Variants in CNBD1 observed in about 807,000 individuals in gnomAD.
The protein encoded by CNBD1 is cyclic nucleotide-binding domain-containing protein 1.
In CNBD1, 71 loss-of-function variants were observed where a neutral mutation model predicts 54.4. The ratio of observed to expected loss-of-function variants is 1.30; its 90% confidence interval spans 1.08 to 1.59. The LOEUF is 1.59. CNBD1 is among the 40% of genes most tolerant of loss of function. The probability of loss-of-function intolerance (pLI) is 0.00; values close to 1 mark genes in which losing one functional copy is unlikely to be tolerated. For synonymous variants in CNBD1, 182 were observed against 170.7 expected, an observed-to-expected ratio of 1.07 and a Z score of -0.51; for missense variants, 659 against 518.0, an observed-to-expected ratio of 1.27 and a Z score of -2.64.
chr8:87,238,415 C>A (rs990489758), intron 6 of CNBD1, among the ~76,000 whole-genome samples: 1 of 152,048 alleles, frequency 6.6e-6, no homozygotes, highest in Non-Finnish European at 1.5e-5. Context: ...GGGAAACAGA[C>A]CCAAACCAAA....
At chr8:87,252,012 A>C (rs2130840119) in intron 6 of CNBD1, among the ~76,000 whole-genome samples, 1 of 152,284 alleles carries the variant, frequency 6.6e-6, no homozygotes, top group South Asian at 2.1e-4. Flanking sequence ...CTATTCCCAC[A>C]TAAATTGATA....
At chr8:87,040,163 T>G (rs1212026841) in intron 4 of CNBD1, among the ~76,000 whole-genome samples, 2 of 152,216 alleles carry the variant, frequency 1.3e-5, no homozygotes, top group African/African-American at 2.4e-5. Flanking sequence ...ACAAAGACAG[T>G]CTAGTTCCCA....
chr8:87,078,084 G>A, intron 4 of CNBD1, among the ~76,000 whole-genome samples: 1 of 152,142 alleles, frequency 6.6e-6, no homozygotes, highest in Non-Finnish European at 1.5e-5. Context: ...CATTTTGGGA[G>A]AACACAAACC....
chr8:87,244,188 A>G (rs891578289), intron 6 of CNBD1, among the ~76,000 whole-genome samples: 11 of 152,118 alleles, frequency 7.2e-5, no homozygotes, highest in Admixed American at 5.2e-4. Flanking sequence ...GGCGGGGACA[A>G]CCTGAAGTAG....
chr8:87,395,384 A>T (rs945167460), intron 2 of CNBD1, among the ~76,000 whole-genome samples: 5 of 152,050 alleles, frequency 3.3e-5, no homozygotes, highest in Non-Finnish European at 7.4e-5. Flanking sequence ...GGAAGGGAAC[A>T]ATATTTGAGG....
intron 2 of CNBD1, among the ~76,000 whole-genome samples, chr8:87,421,313 G>A (rs1330957456): frequency 6.6e-6 from 1 of 150,576 alleles, no homozygotes; most frequent in Non-Finnish European, 1.5e-5. Context: ...TAGGGTACAT[G>A]TGCACATTGT....
Position 87,049,669 on chromosome 8 carries a change from T to A in CNBD1, c.431+109915T>A, listed in dbSNP as rs1384426419. ...TCACAATCATGTTCAGGTTCTCTGG[T>A]TTCCTCTGAGAGGAAAGTGCAGGGT... On this transcript the variant is annotated intron_variant, in intron 4 of 10. Transcript: ENST00000518476. Among the ~76,000 whole-genome samples, 8 of 152,196 alleles carry A rather than the reference T, an allele frequency of 5.3e-5. No individual in the cohort carries two copies. In the East Asian group the frequency reaches 1.4e-3, roughly 26 times the overall value.
chr8:87,334,119 TG>T (rs1364230749), intron 8 of CNBD1, among the ~76,000 whole-genome samples: 1 of 152,158 alleles, frequency 6.6e-6, no homozygotes, highest in Non-Finnish European at 1.5e-5. Context: ...GGAGGGTGTA[TG>T]TGTCCAAGAA....
chr8:87,258,287 T>A (rs1417363082), intron 6 of CNBD1, among the ~76,000 whole-genome samples: 1 of 151,756 alleles, frequency 6.6e-6, no homozygotes, highest in South Asian at 2.1e-4. Context: ...GACTCAAAAA[T>A]TTTTTAAAAG....
chr8:87,339,637 T>G (rs968508774), intron 8 of CNBD1, among the ~76,000 whole-genome samples: 2 of 152,142 alleles, frequency 1.3e-5, no homozygotes, highest in Non-Finnish European at 2.9e-5. Flanking sequence ...TTTAAAGTGA[T>G]GTGCTTTGAT....
chr8:86,986,444 T>G (rs1450652149), intron 4 of CNBD1, among the ~76,000 whole-genome samples: 2 of 152,172 alleles, frequency 1.3e-5, no homozygotes, highest in Non-Finnish European at 2.9e-5. Context: ...TCACAAATAT[T>G]TTTTTCCCAT....
At chr8:87,113,027 G>A (rs1811696491) in intron 4 of CNBD1, among the ~76,000 whole-genome samples, 1 of 152,200 alleles carries the variant, frequency 6.6e-6, no homozygotes, top group Admixed American at 6.5e-5. Context: ...CCCATAGGGA[G>A]CTCTGAAGTA....
chr8:87,091,916 A>T (rs1811212489), intron 4 of CNBD1, among the ~76,000 whole-genome samples: 1 of 152,190 alleles, frequency 6.6e-6, no homozygotes, highest in African/African-American at 2.4e-5. Context: ...CGTAGGAAAA[A>T]GTCCTCCAAA....
intron 5 of CNBD1, among the ~76,000 whole-genome samples, chr8:87,225,870 A>T (rs147068200): frequency 0.55 from 74,858 of 137,112 alleles, 21,525 homozygotes; most frequent in African/African-American, 0.6. Context: ...CATCTGGTCC[A>T]GGACTCTTTT....
At chr8:87,051,678 G>C (rs4598261) in intron 4 of CNBD1, among the ~76,000 whole-genome samples, 2 of 152,170 alleles carry the variant, frequency 1.3e-5, no homozygotes, top group Non-Finnish European at 1.5e-5. Flanking sequence ...GGCACAGATC[G>C]CTCATGCTAT....
intron 5 of CNBD1, among the ~76,000 whole-genome samples, chr8:87,227,797 G>C (rs1306020142): frequency 4.4e-4 from 61 of 138,532 alleles, no homozygotes; most frequent in Middle Eastern, 3.8e-3. Context: ...TGCCTTGCTA[G>C]ATTGGGGAAA....
chr8:87,411,424 A>ATG (rs1807741387), intron 2 of CNBD1, among the ~76,000 whole-genome samples: 2 of 142,070 alleles, frequency 1.4e-5, no homozygotes, highest in South Asian at 4.4e-4. Flanking sequence ...ATATATATAT[A>ATG]TATTTCATTC....
rs1444812747 is a variant in CNBD1, at chr8:86,866,581, C to T, written c.86C>T (p.Pro29Leu). The T allele has an allele frequency of 6.3e-7, 1 of 1,599,452 alleles. No homozygotes were observed. The highest frequency in any genetic ancestry group is 1.1e-5 in the South Asian group (1 of 89,118). The change falls in exon 1 of 11, where the codon CCA (proline) becomes CTA (leucine). Residue 29 changes from proline (P) to leucine (L), a missense_variant and splice_region_variant. Physicochemically the swap from Pro to Leu is moderately conservative, Grantham distance 98 (BLOSUM62 -3). Coordinates refer to ENST00000518476, the MANE Select transcript of CNBD1 (RefSeq NM_173538.3). ...CCTCCTCCTCCACTTCACAGTATAC[C>T]AAGTGAGTGGGAAATACTTTGATGC... ...NVPPPPLHSI[P>L]NLKKSKHINY...
At chr8:87,158,350 A>T (rs947826766) in intron 4 of CNBD1, among the ~76,000 whole-genome samples, 1 of 152,220 alleles carries the variant, frequency 6.6e-6, no homozygotes, top group Non-Finnish European at 1.5e-5. Flanking sequence ...AGTGCTAGAC[A>T]TAGTAAAATC....
Sources: gnomAD v4.1 joint callset for allele counts (sites outside exome capture counted in the v4.1 genomes callset) on GRCh38, gnomAD v4.1.1 for gene constraint, MANE v1.5 for transcripts, NCBI Gene and HGNC (gene_info 2026-07-23, HGNC 2026-07-21) for gene names.